SQOR: variants seen among roughly 807,000 people sequenced by gnomAD.
SQOR encodes the protein sulfide quinone oxidoreductase.
Under a neutral mutation model 48.6 loss-of-function variants are expected in SQOR, and 39 were observed. The ratio of observed to expected loss-of-function variants is 0.80; its 90% CI spans 0.62 to 1.05. SQOR has a LOEUF of 1.05. SQOR is among the 50% of genes least tolerant of loss of function. The pLI is 0.00. For missense variants in SQOR, 561 were observed against 559.9 expected, an observed-to-expected ratio of 1.00 and a Z score of -0.02; for synonymous variants, 220 against 206.2, an observed-to-expected ratio of 1.07 and a Z score of -0.57.
chr15:45,658,802 C>G (rs1467358172), intron 1 of SQOR, 105 bp from the exon 2 acceptor site: 1 of 891,894 alleles, frequency 1.1e-6, no homozygotes, highest in African/African-American at 1.7e-5. Context: ...TGGGGACCAG[C>G]TGGAGCGGGC....
rs1343052896 is a variant in SQOR, at chr15:45,673,723, C to T, written c.576C>T (p.Phe192=). The T allele has an allele frequency of 1.2e-6, 2 of 1,614,084 alleles. No homozygotes were observed. The highest frequency in any genetic ancestry group is 1.7e-6 in the Non-Finnish European group (2 of 1,180,042). ...LQDFKEGNAI[F]TFPNTPVKCA... is the part of the protein sequence containing the mutation. ...ACTTCAAAGAGGGCAATGCCATCTT[C>T]ACCTTCCCAAATACTCCAGTGAAGT... is the stretch of plus-strand genomic sequence containing the variant. The change falls in exon 5 of 10, where the codon TTC becomes TTT. Residue 192 remains phenylalanine, a synonymous_variant. Coordinates refer to ENST00000260324, the MANE Select transcript of SQOR (RefSeq NM_021199.4).
intron 7 of SQOR, among the ~76,000 whole-genome samples, chr15:45,685,145 A>G (rs929588435): frequency 5.9e-5 from 9 of 152,146 alleles, no homozygotes; most frequent in Non-Finnish European, 1.3e-4. Flanking sequence ...AGGAGTGGCA[A>G]AAACCGCAGT....
chr15:45,645,608 G>A (rs1895190680), intron 1 of SQOR, among the ~76,000 whole-genome samples: 1 of 152,224 alleles, frequency 6.6e-6, no homozygotes, highest in African/African-American at 2.4e-5. Context: ...TTGGAGCTGG[G>A]ATATCGGATG....
intron 3 of SQOR, among the ~76,000 whole-genome samples, chr15:45,667,279 A>G (rs1889849074): frequency 6.6e-6 from 1 of 151,136 alleles, no homozygotes; most frequent in African/African-American, 2.4e-5. Context: ...AGTAGCTGGG[A>G]CTACAGGCAC....
At chr15:45,682,761 T>C (rs1181241120) in intron 7 of SQOR, 100 bp downstream of exon 7, 4 of 1,384,750 alleles carry the variant, frequency 2.9e-6, no homozygotes, top group Non-Finnish European at 3.9e-6. Context: ...GAGACGGTGG[T>C]TCCTGCCTGT....
At chr15:45,670,229 T>G (rs1046690317) in intron 4 of SQOR, among the ~76,000 whole-genome samples, 2 of 152,272 alleles carry the variant, frequency 1.3e-5, no homozygotes, top group African/African-American at 4.8e-5. Context: ...AATGATTAAT[T>G]CTTGCAAAAC....
At chr15:45,643,982 T>A (rs891552714) in intron 1 of SQOR, among the ~76,000 whole-genome samples, 2 of 152,236 alleles carry the variant, frequency 1.3e-5, no homozygotes, top group Non-Finnish European at 2.9e-5. Flanking sequence ...TGTTATTTAG[T>A]TGCAAAAATT....
chr15:45,669,868 C>A, intron 3 of SQOR, 60 bp from the exon 4 acceptor site: 2 of 1,439,368 alleles, frequency 1.4e-6, no homozygotes, highest in South Asian at 1.1e-5. Flanking sequence ...GGGCCTGAGT[C>A]AGTCCTTGAG....
At chr15:45,649,622 G>A (rs566865736) in intron 1 of SQOR, among the ~76,000 whole-genome samples, 14 of 152,030 alleles carry the variant, frequency 9.2e-5, no homozygotes, top group Non-Finnish European at 1.9e-4. Flanking sequence ...TGGGATTACA[G>A]GCACCTGCCT....
intron 7 of SQOR, 79 bp downstream of exon 7, chr15:45,682,740 G>A (rs753244256): frequency 9.8e-5 from 150 of 1,530,982 alleles, no homozygotes; most frequent in Non-Finnish European, 4.1e-5. Context: ...ACACAAGCTT[G>A]GCATCGGCCA....
chr15:45,661,294 A>G (rs1889715284), intron 2 of SQOR, among the ~76,000 whole-genome samples: 1 of 124,512 alleles, frequency 8.0e-6, no homozygotes, highest in Non-Finnish European at 1.9e-5. Flanking sequence ...CTGTCTTAAA[A>G]AAAAAAAAAA....
At chr15:45,636,859 A>G (rs1895015268) in intron 1 of SQOR, among the ~76,000 whole-genome samples, 1 of 152,196 alleles carries the variant, frequency 6.6e-6, no homozygotes, top group South Asian at 2.1e-4. Flanking sequence ...AAAGATGTAA[A>G]ATACTTTTCC....
intron 2 of SQOR, among the ~76,000 whole-genome samples, chr15:45,660,605 C>T (rs190276588): frequency 2.6e-5 from 4 of 152,288 alleles, no homozygotes; most frequent in Non-Finnish European, 5.9e-5. Context: ...GAGCCCCAGG[C>T]TTGGTACTTT....
At chr15:45,674,269 T>C (rs996089196) in intron 5 of SQOR, among the ~76,000 whole-genome samples, 32 of 152,118 alleles carry the variant, frequency 2.1e-4, no homozygotes, top group Non-Finnish European at 4.4e-4. Context: ...AAATCCCGTC[T>C]CTACTAAAAA....
At chr15:45,632,250 C>T (rs12905410), upstream of SQOR, among the ~76,000 whole-genome samples, 5 of 131,432 alleles carry the variant, frequency 3.8e-5, no homozygotes, top group African/African-American at 8.4e-5. Context: ...GATGGAGTCT[C>T]GCTCTGTTGC....
intron 1 of SQOR, among the ~76,000 whole-genome samples, chr15:45,648,366 C>T (rs1045128178): frequency 3.3e-5 from 5 of 151,920 alleles, no homozygotes; most frequent in Admixed American, 2.0e-4. Context: ...TTAGGAGAGA[C>T]GGGGTTTCAC....
At position 45,661,952 on chromosome 15, in the gene SQOR, C is replaced by G. The variant is rs1346415974; in HGVS notation, c.235-3C>G. ...ATAAATCTTCAAATACTTTGTTTCT[C>G]AGAGACATTTCTACCAGCCAATCTG... On this transcript the variant is annotated splice_polypyrimidine_tract_variant and splice_region_variant and intron_variant, in intron 2 of 9. Transcript: ENST00000260324. 6.2e-7 allele frequency: 1 copy of G among 1,613,408 alleles called. No homozygotes were observed. Among genetic ancestry groups the G allele is most frequent in the Non-Finnish European group, 8.5e-7 (1 of 1,179,588 alleles).
chr15:45,641,611 A>G (rs1474329246), intron 1 of SQOR, among the ~76,000 whole-genome samples: 1 of 152,224 alleles, frequency 6.6e-6, no homozygotes, highest in African/African-American at 2.4e-5. Flanking sequence ...ACAGTATAGT[A>G]ATCCAGTTCC....
At chr15:45,643,486 T>C (rs1895142135) in intron 1 of SQOR, among the ~76,000 whole-genome samples, 1 of 152,186 alleles carries the variant, frequency 6.6e-6, no homozygotes, top group Non-Finnish European at 1.5e-5. Flanking sequence ...TGAGCCACCA[T>C]GCCTGGCCTG....
Sources: gnomAD v4.1 joint callset for allele counts (sites outside exome capture counted in the v4.1 genomes callset) on GRCh38, gnomAD v4.1.1 for gene constraint, MANE v1.5 for transcripts, NCBI Gene and HGNC (gene_info 2026-07-23, HGNC 2026-07-21) for gene names.